Variants in SVIL observed in about 807,000 individuals in gnomAD.
SVIL encodes the protein supervillin, also known as archvillin.
Under a neutral mutation model 240.4 loss-of-function variants are expected in SVIL, and 101 were observed. The observed-to-expected ratio is 0.42, with a 90% confidence interval of 0.36 to 0.50. The LOEUF is 0.50. Among genes scored for constraint, SVIL ranks in the 20% least tolerant of loss-of-function variants. The pLI is 0.01. For missense variants in SVIL, 2,512 were observed against 2,818.7 expected, an observed-to-expected ratio of 0.89 and a Z score of 2.46; for synonymous variants, 999 against 1,100.0, an observed-to-expected ratio of 0.91 and a Z score of 1.82.
At position 29,490,715 on chromosome 10, in the gene SVIL, C is replaced by T. The variant is rs1947876201; in HGVS notation, c.4192+132G>A. On this transcript the variant is annotated intron_variant, in intron 22 of 37. Transcript: ENST00000355867. ...GCGTGCACATGTATGTGCAAACTTA[C>T]TCCTTTTTACTTCATGAGGGTCTTC... The T allele has an allele frequency of 1.9e-5, 21 of 1,096,144 alleles. No individual in the cohort carries two copies. The South Asian group carries it at 3.1e-4, about 16-fold the overall frequency. 67.9% of individuals were successfully genotyped at this position (1,096,144 alleles called of 1,614,324 possible). A position where few individuals can be genotyped will look rare whatever the true frequency, so the allele number is the denominator to read the frequency against.
intron 1 of SVIL, among the ~76,000 whole-genome samples, chr10:29,705,444 C>T (rs1962818582): frequency 6.6e-6 from 1 of 151,198 alleles, no homozygotes; most frequent in Admixed American, 6.6e-5. Context: ...AGAAAGGAGG[C>T]GGAGGGAGAA....
At chr10:29,526,305 C>CTTTTTTTTTT (rs36004446) in intron 13 of SVIL, among the ~76,000 whole-genome samples, 1 of 115,028 alleles carries the variant, frequency 8.7e-6, no homozygotes, top group Non-Finnish European at 1.7e-5. Context: ...TTTTCTCTTT[C>CTTTTTTTTTT]TTTTTTTTTT....
chr10:29,717,989 T>C (rs1963731387), intron 1 of SVIL, among the ~76,000 whole-genome samples: 3 of 152,158 alleles, frequency 2.0e-5, no homozygotes, highest in African/African-American at 7.2e-5. Context: ...TGAAATAACA[T>C]TTTGGGTAGA....
chr10:29,470,244 GT>G, intron 32 of SVIL, 31 bp downstream of exon 32: 3 of 1,587,776 alleles, frequency 1.9e-6, no homozygotes, highest in East Asian at 4.6e-5. Context: ...AGCCCGGTGT[GT>G]GGGGGGACTC....
chr10:29,616,919 C>T (rs1391418530), intron 1 of SVIL, among the ~76,000 whole-genome samples: 6 of 152,152 alleles, frequency 3.9e-5, no homozygotes, highest in South Asian at 2.1e-4. Context: ...GACAGGGTTT[C>T]GCCATGTTGG....
chr10:29,610,420 C>G (rs1221955743), intron 1 of SVIL, among the ~76,000 whole-genome samples: 2 of 150,580 alleles, frequency 1.3e-5, no homozygotes, highest in African/African-American at 4.9e-5. Flanking sequence ...AGGCTCTCCC[C>G]TGCCCAAACA....
intron 6 of SVIL, among the ~76,000 whole-genome samples, chr10:29,549,430 T>C (rs1183313289): frequency 8.2e-6 from 1 of 121,954 alleles, no homozygotes; most frequent in African/African-American, 3.1e-5. Flanking sequence ...GGTGGGACTG[T>C]AAACTAGTTC....
At chr10:29,561,696 T>C (rs1317802720) in intron 3 of SVIL, among the ~76,000 whole-genome samples, 1 of 152,042 alleles carries the variant, frequency 6.6e-6, no homozygotes, top group African/African-American at 2.4e-5. Flanking sequence ...ACGAGGCCAC[T>C]GGCTTGCCCT....
At position 29,494,936 on chromosome 10, in the gene SVIL, A is replaced by G; in HGVS notation, c.3819T>C (p.Phe1273=). ...TACCTTTGTTATTCAGCCTTCTTAG[A>G]AAGGTTTCCAGCCTGTCCAACTTCA... ...SDLKLDRLET[F]LRRLNNKVGG... The change falls in exon 20 of 38, where the codon TTT becomes TTC. Residue 1273 remains phenylalanine (F), a synonymous_variant. Transcript: ENST00000355867. The G allele has an allele frequency of 6.2e-7, 1 of 1,614,080 alleles. No individual in the cohort carries two copies.
intron 2 of SVIL, among the ~76,000 whole-genome samples, chr10:29,673,372 T>A (rs200738568): frequency 6.6e-6 from 1 of 152,128 alleles, no homozygotes. Context: ...TTTTTTTTTT[T>A]AATCACTGAC....
intron 17 of SVIL, among the ~76,000 whole-genome samples, chr10:29,506,837 AG>A (rs1433059458): frequency 5.4e-5 from 8 of 147,076 alleles, no homozygotes; most frequent in South Asian, 2.2e-4. Context: ...CAGAGGCCCT[AG>A]GAGGGAAGGG....
At chr10:29,460,797 C>T (rs1365639467) in intron 36 of SVIL, among the ~76,000 whole-genome samples, 1 of 152,048 alleles carries the variant, frequency 6.6e-6, no homozygotes, top group Non-Finnish European at 1.5e-5. Flanking sequence ...TCCCAGCTAC[C>T]TGGGAGGCTG....
intron 16 of SVIL, among the ~76,000 whole-genome samples, chr10:29,522,085 A>C (rs1031344783): frequency 2.0e-5 from 3 of 151,756 alleles, no homozygotes; most frequent in Non-Finnish European, 4.4e-5. Context: ...CTGTCATTAG[A>C]TAGTCCAAGA....
chr10:29,663,561 G>A (rs1265626511), intron 2 of SVIL, among the ~76,000 whole-genome samples: 1 of 152,130 alleles, frequency 6.6e-6, no homozygotes, highest in Non-Finnish European at 1.5e-5. Flanking sequence ...TCACCATGTT[G>A]GCCAGGCTGG....
intron 21 of SVIL, among the ~76,000 whole-genome samples, chr10:29,492,245 G>C (rs899224043): frequency 1.6e-4 from 24 of 152,156 alleles, no homozygotes; most frequent in Admixed American, 7.9e-4. Flanking sequence ...GGATGGACAG[G>C]GGGCTCAAGT....
At chr10:29,486,819 G>A (rs1947448572) in intron 24 of SVIL, among the ~76,000 whole-genome samples, 1 of 152,110 alleles carries the variant, frequency 6.6e-6, no homozygotes. Context: ...ACTATTCTTT[G>A]GGCTTTACCC....
chr10:29,589,283 A>G (rs983161883), intron 1 of SVIL, among the ~76,000 whole-genome samples: 7 of 152,162 alleles, frequency 4.6e-5, no homozygotes, highest in African/African-American at 1.4e-4. Context: ...ACACTGAAGC[A>G]CTCAGCTCAC....
intron 1 of SVIL, among the ~76,000 whole-genome samples, chr10:29,715,012 G>C (rs1324809792): frequency 1.4e-5 from 2 of 144,810 alleles, no homozygotes; most frequent in Non-Finnish European, 3.0e-5. Context: ...GGAAGAAAAA[G>C]ACTTGAGAAA....
intron 3 of SVIL, among the ~76,000 whole-genome samples, chr10:29,559,593 A>G (rs1954266551): frequency 6.6e-6 from 1 of 152,244 alleles, no homozygotes; most frequent in Admixed American, 6.5e-5. Context: ...ATAAACATCG[A>G]TGGTCTAATT....
Sources: allele counts gnomAD v4.1 joint callset (sites outside exome capture counted in the v4.1 genomes callset), GRCh38; gene constraint gnomAD v4.1.1; transcripts MANE v1.5; gene names NCBI Gene and HGNC (gene_info 2026-07-23, HGNC 2026-07-21).